ARHGEF19: variants seen among roughly 807,000 people sequenced by gnomAD.
ARHGEF19 encodes Rho guanine nucleotide exchange factor 19.
ARHGEF19 carries 92 observed loss-of-function variants against 87.6 expected under a neutral mutation model. The ratio of observed to expected loss-of-function variants is 1.05; its 90% CI spans 0.89 to 1.25. The LOEUF is 1.25. Among genes scored for constraint, ARHGEF19 ranks in the 50% most tolerant of loss-of-function variants. ARHGEF19 has a pLI of 0.00. For missense variants in ARHGEF19, 1,054 were observed against 1,051.8 expected (o/e 1.00, Z -0.03); for synonymous variants, 438 against 446.2 (o/e 0.98, Z 0.23).
Position 16,207,039 on chromosome 1 carries a change from C to A in ARHGEF19, c.1046G>T (p.Gly349Val), listed in dbSNP as rs1168384030. Residue 349 changes from glycine to valine, a missense_variant, in exon 6 of 16, where the codon GGC (glycine) becomes GTC (valine). By Grantham distance (109) the Gly-to-Val change is moderately radical. Coordinates refer to ENST00000270747, the MANE Select transcript of ARHGEF19 (RefSeq NM_153213.5). The surrounding 1 kb of genome is among the most constrained non-coding windows in gnomAD (Gnocchi z 4.0). ...ATCCTGCCACAGCGAGAAGGTGGAG[C>A]CTCGCGCCGAGCGCTGCGCCCGGAA... is the stretch of plus-strand genomic sequence containing the variant. ...SSFRAQRSAR[G>V]STFSLWQDIP... The A allele has an allele frequency of 2.0e-6, 3 of 1,510,566 alleles. No individual in the cohort carries two copies. The highest frequency in any genetic ancestry group is 2.2e-5 in the Admixed American group (1 of 45,552). 93.6% of individuals were successfully genotyped at this position (1,510,566 alleles called of 1,614,324 possible). A position where few individuals can be genotyped will look rare whatever the true frequency, so the allele number is the denominator to read the frequency against.
Position 16,207,058 on chromosome 1 carries a change from C to T in ARHGEF19, c.1027G>A (p.Ala343Thr), listed in dbSNP as rs1372011348. The change falls in exon 6 of 16, where the codon GCG becomes ACG. Residue 343 changes from alanine to threonine, a missense_variant. Ala to Thr is a moderately conservative substitution (Grantham distance 58, BLOSUM62 0). Coordinates refer to ENST00000270747, the MANE Select transcript of ARHGEF19 (RefSeq NM_153213.5). The surrounding 1 kb of genome is among the most constrained non-coding windows in gnomAD (Gnocchi z 4.0). ...GTGGAGCCTCGCGCCGAGCGCTGCGCCCGGAAGGAGCTGCTGGGGGAGAGG... is the reference window on the plus strand; with the variant it reads ...GTGGAGCCTCGCGCCGAGCGCTGCGTCCGGAAGGAGCTGCTGGGGGAGAGG... Reference protein sequence around the residue: ...ANLSPSSSFRAQRSARGSTFS... With the variant: ...ANLSPSSSFRTQRSARGSTFS... 4 of 1,507,648 alleles carry T rather than the reference C, an allele frequency of 2.7e-6. No individual in the cohort carries two copies. The South Asian group carries it at 3.8e-5, about 14-fold the overall frequency. The allele number at this position is 1,507,648 out of a possible 1,614,324, so 93.4% of individuals were successfully genotyped here. A position where few individuals can be genotyped will look rare whatever the true frequency, so the allele number is the denominator to read the frequency against.
chr1:16,198,638 CT>C lies in ARHGEF19; in HGVS notation c.2357del (p.Glu786GlyfsTer94). The C allele has an allele frequency of 6.2e-7, 1 of 1,613,762 alleles. No individual in the cohort carries two copies. Among genetic ancestry groups the C allele is most frequent in the Non-Finnish European group, 8.5e-7 (1 of 1,179,774 alleles). ...SLSARLRNLR[E>X]NKRVTSATSK... ...TGGTGGCACTTGTGACTCGCTTATT[CT>C]CCCGGAGGTTTCGGAGGCGGGCGCT... On this transcript the variant is annotated frameshift_variant, in exon 16 of 16. Transcript: ENST00000270747. LOFTEE classifies it high-confidence loss of function. The surrounding 1 kb of genome is among the most constrained non-coding windows in gnomAD (Gnocchi z 4.1).
intron 12 of ARHGEF19, among the ~76,000 whole-genome samples, chr1:16,203,527 A>T (rs1281083084): frequency 6.6e-6 from 1 of 151,946 alleles, no homozygotes; most frequent in Non-Finnish European, 1.5e-5. Flanking sequence ...CCAGGAGCAA[A>T]ATATCATCCC....
chr1:16,205,886 A>C lies in ARHGEF19; in HGVS notation c.1451+45T>G. 6.4e-7 allele frequency: 1 copy of C among 1,566,348 alleles called. No homozygotes were observed. Among genetic ancestry groups the C allele is most frequent in the Non-Finnish European group, 8.7e-7 (1 of 1,155,268 alleles). ...AGCCCTCAGTGCCTACACCTGCCTG[A>C]GACTCCCTCCACGCCCCCGCCCCTT... On this transcript the variant is annotated intron_variant, in intron 8 of 15. Transcript: ENST00000270747. This position sits in a 1 kb window ranked among gnomAD's most constrained non-coding sequence, Gnocchi z 5.8.
intron 1 of ARHGEF19, among the ~76,000 whole-genome samples, chr1:16,210,949 T>C (rs1390911262): frequency 6.6e-6 from 1 of 152,036 alleles, no homozygotes. Context: ...CTGCACAGCT[T>C]CTCAACTGCT....
rs200208031 is a variant in ARHGEF19 at position 16,207,488 on chromosome 1, G to A, written c.874+34C>T. 8,581 of 1,610,636 alleles carry A rather than the reference G, an allele frequency of 5.3e-3. 41 individuals are homozygous for A. The highest frequency in any genetic ancestry group is 6.7e-3 in the Non-Finnish European group (7,881 of 1,177,518). ...TTTCCACACCGCAGCCCCTTCCTCC[G>A]TTACCTCCTCCCAGGGACCCCCCTC... On this transcript the variant is annotated intron_variant, in intron 5 of 15. Transcript: ENST00000270747. The surrounding 1 kb of genome is among the most constrained non-coding windows in gnomAD (Gnocchi z 4.0).
At chr1:16,203,172 T>C (rs1314405341) in intron 12 of ARHGEF19, among the ~76,000 whole-genome samples, 1 of 144,106 alleles carries the variant, frequency 6.9e-6, no homozygotes, top group Non-Finnish European at 1.5e-5. Flanking sequence ...TAAGTACTTG[T>C]AGGCAGGATG....
At position 16,206,242 on chromosome 1, in the gene ARHGEF19, C is replaced by T; in HGVS notation, c.1236G>A (p.Leu412=). 1.9e-6 allele frequency: 3 copies of T among 1,596,564 alleles called. No homozygotes were observed. Among genetic ancestry groups the T allele is most frequent in the Middle Eastern group, 3.3e-4 (2 of 6,028 alleles). ...ACAGCCACTGCTTGTCCTGCGCCCC[C>T]AGACACTCGCTCAGCTCGGCAGAGC... ...FLGSAELSEC[L]GAQDKQWLFS... The change falls in exon 7 of 16, where the codon CTG becomes CTA. Residue 412 remains leucine (L), a synonymous_variant. Transcript: ENST00000270747. The surrounding 1 kb of genome is among the most constrained non-coding windows in gnomAD (Gnocchi z 4.6).
intron 15 of ARHGEF19, 106 bp downstream of exon 15, chr1:16,199,044 G>T: frequency 9.0e-7 from 1 of 1,111,304 alleles, no homozygotes; most frequent in Non-Finnish European, 1.3e-6. Flanking sequence ...CACATGCTGT[G>T]GCAGATCAAC....
chr1:16,200,750 A>G (rs977189162), intron 14 of ARHGEF19, among the ~76,000 whole-genome samples: 2 of 151,904 alleles, frequency 1.3e-5, no homozygotes, highest in Non-Finnish European at 2.9e-5. Flanking sequence ...TCTCAAAAAA[A>G]AAAAGCCAGG....
intron 1 of ARHGEF19, among the ~76,000 whole-genome samples, chr1:16,211,378 C>A (rs569461895): frequency 3.9e-5 from 6 of 152,336 alleles, no homozygotes; most frequent in African/African-American, 1.4e-4. Context: ...CCCCCTGCCC[C>A]TTTGTATGCT....
intron 14 of ARHGEF19, among the ~76,000 whole-genome samples, chr1:16,201,417 T>C (rs1247461850): frequency 2.0e-5 from 3 of 152,202 alleles, no homozygotes; most frequent in Non-Finnish European, 2.9e-5. Context: ...CTTCTTGTCT[T>C]GTTTGCAACT....
Position 16,206,441 on chromosome 1 carries a change from C to G in ARHGEF19, c.1138-101G>C. On this transcript the variant is annotated intron_variant, in intron 6 of 15. Coordinates refer to ENST00000270747, the MANE Select transcript of ARHGEF19 (RefSeq NM_153213.5). The surrounding 1 kb of genome is among the most constrained non-coding windows in gnomAD (Gnocchi z 4.6). ...CCCAGGACGCCACACCTCGCGTCCT[C>G]GCCCCTTCTCTAGCCCCACTCCTAA... The G allele has an allele frequency of 2.3e-6, 3 of 1,314,762 alleles. No individual in the cohort carries two copies. The highest frequency in any genetic ancestry group is 3.2e-6 in the Non-Finnish European group (3 of 934,278). The allele number at this position is 1,314,762 out of a possible 1,614,324, so 81.4% of individuals were successfully genotyped here.
In ARHGEF19 at chr1:16,206,809, G is replaced by T; in HGVS notation, c.1137+139C>A. ...CGGCCTCGTGTAGTCAGGTCCTAGA[G>T]CCAACCTTCCGCGCGGACAGTCGCG... On this transcript the variant is annotated intron_variant, in intron 6 of 15. Transcript: ENST00000270747. The surrounding 1 kb of genome is among the most constrained non-coding windows in gnomAD (Gnocchi z 4.6). The T allele has an allele frequency of 1.7e-6, 2 of 1,159,946 alleles. No individual in the cohort carries two copies. Among genetic ancestry groups the T allele is most frequent in the South Asian group, 1.8e-5 (1 of 55,012 alleles). The allele number at this position is 1,159,946 out of a possible 1,614,324, so 71.9% of individuals were successfully genotyped here. A position where few individuals can be genotyped will look rare whatever the true frequency, so the allele number is the denominator to read the frequency against.
rs1223086386 is a variant in ARHGEF19 at position 16,206,046 on chromosome 1, C to T, written c.1336G>A (p.Val446Met). The T allele has an allele frequency of 6.3e-7, 1 of 1,587,934 alleles. No individual in the cohort carries two copies. The highest frequency in any genetic ancestry group is 8.6e-7 in the Non-Finnish European group (1 of 1,167,154). The change falls in exon 8 of 16, where the codon GTG becomes ATG. Residue 446 changes from valine (V) to methionine (M), a missense_variant. By Grantham distance (21) the Val-to-Met change is conservative. Coordinates refer to ENST00000270747, the MANE Select transcript of ARHGEF19 (RefSeq NM_153213.5). The surrounding 1 kb of genome is among the most constrained non-coding windows in gnomAD (Gnocchi z 4.6). ...QDLEQRLEADVLRFSVCDVVL... is the reference protein window; with the variant it reads ...QDLEQRLEADMLRFSVCDVVL... ...ACGTCGCACACGCTGAAGCGCAGCA[C>T]ATCTGCCTCCAGCCGCTGCTCCAGG...
At chr1:16,211,397 C>T (rs78523729) in intron 1 of ARHGEF19, among the ~76,000 whole-genome samples, 2 of 152,210 alleles carry the variant, frequency 1.3e-5, no homozygotes, top group Admixed American at 6.5e-5. Context: ...CTGGGAGATT[C>T]TAGCACTTGG....
At position 16,207,700 on chromosome 1, in the gene ARHGEF19, G is replaced by T. The variant is rs767807844; in HGVS notation, c.772C>A (p.Arg258=). ...RVSRPAPGDS[R]EGDWSEPRLD... ...CTGGGCTCGGACCAATCGCCCTCTC[G>T]TGAGTCACCAGGGGCTGGCCGCGAC... The change falls in exon 4 of 16, where the codon CGA becomes AGA. Residue 258 remains arginine (R), a synonymous_variant. Coordinates refer to ENST00000270747, the MANE Select transcript of ARHGEF19 (RefSeq NM_153213.5). The surrounding 1 kb of genome is among the most constrained non-coding windows in gnomAD (Gnocchi z 4.0). 3 of 1,613,904 alleles carry T rather than the reference G, an allele frequency of 1.9e-6. No individual in the cohort carries two copies. The highest frequency in any genetic ancestry group is 1.1e-5 in the South Asian group (1 of 91,086).
In ARHGEF19 at chr1:16,206,334, AC is replaced by A; in HGVS notation, c.1143del (p.Lys381AsnfsTer4). 6.3e-7 allele frequency: 1 copy of A among 1,577,146 alleles called. No homozygotes were observed. The highest frequency in any genetic ancestry group is 1.3e-5 in the African/African-American group (1 of 74,636). On this transcript the variant is annotated frameshift_variant, in exon 7 of 16. Transcript: ENST00000270747. LOFTEE classifies it high-confidence loss of function. The surrounding 1 kb of genome is among the most constrained non-coding windows in gnomAD (Gnocchi z 4.6). ...GAGGCCTCGGAGGTGATCAGCTCAA[AC>A]TTGGCCTGAGGGAGGGCACACACGG... ...SLRDCKLQEA[K>X]FELITSEASY...
intron 13 of ARHGEF19, among the ~76,000 whole-genome samples, 165 bp from the exon 14 acceptor site, chr1:16,202,026 G>A (rs906156855): frequency 1.1e-4 from 14 of 131,806 alleles, no homozygotes; most frequent in Non-Finnish European, 1.5e-4. Flanking sequence ...CCCACAACCC[G>A]GTTCCCAAGC....
Sources: gnomAD v4.1 joint callset for allele counts (sites outside exome capture counted in the v4.1 genomes callset) on GRCh38, gnomAD v4.1.1 for gene constraint, Gnocchi (gnomAD v3.1) non-coding constraint, MANE v1.5 for transcripts, NCBI Gene and HGNC (gene_info 2026-07-23, HGNC 2026-07-21) for gene names.